PUF60: variants seen among roughly 807,000 people sequenced by gnomAD.
PUF60 encodes poly(U)-binding-splicing factor PUF60.
Under a neutral mutation model 61.8 loss-of-function variants are expected in PUF60, and 10 were observed. The ratio of observed to expected loss-of-function variants is 0.16; its 90% CI spans 0.10 to 0.27. PUF60 has a LOEUF of 0.27. PUF60 is among the 10% of genes least tolerant of loss of function. PUF60 has a pLI of 1.00. For missense variants in PUF60, 371 were observed against 754.0 expected, an observed-to-expected ratio of 0.49 and a Z score of 5.95; for synonymous variants, 353 against 300.9, an observed-to-expected ratio of 1.17 and a Z score of -1.79.
At chr8:143,827,084 A>G (rs1039248768) in intron 1 of PUF60, 2 of 319,692 alleles carry the variant, frequency 6.3e-6, no homozygotes, top group African/African-American at 4.5e-5. Context: ...GAGACAAGAG[A>G]GAAAGACGTC....
At chr8:143,825,825 C>G (rs1046740566) in intron 1 of PUF60, among the ~76,000 whole-genome samples, 2 of 152,364 alleles carry the variant, frequency 1.3e-5, no homozygotes, top group African/African-American at 2.4e-5. Context: ...TCCAGATACC[C>G]GTGAACAGGG....
intron 4 of PUF60, 27 bp from the exon 5 acceptor site, chr8:143,820,743 G>A (rs775255331): frequency 6.2e-7 from 1 of 1,603,272 alleles, no homozygotes; most frequent in Non-Finnish European, 8.5e-7. Flanking sequence ...ACAGAGTTCA[G>A]TCTGTTGGAG....
At chr8:143,822,845 A>G in intron 2 of PUF60, 1 of 330,382 alleles carries the variant, frequency 3.0e-6, no homozygotes, top group African/African-American at 2.2e-5. Flanking sequence ...CTCAGCAAGC[A>G]CAAAGATCAC....
At chr8:143,820,417 C>T (rs1197702351) in intron 5 of PUF60, 2 of 560,212 alleles carry the variant, frequency 3.6e-6, no homozygotes, top group Non-Finnish European at 6.4e-6. Flanking sequence ...TGGCCGGCTG[C>T]CCTCCGCAGT....
At chr8:143,821,408 ACAGGTGGGAAAGG>A (rs750980264) in intron 4 of PUF60, 176 bp downstream of exon 4, 230 of 614,306 alleles carry the variant, frequency 3.7e-4, no homozygotes, top group Middle Eastern at 2.6e-3. Context: ...CCAGCGAGCA[ACAGGTGGGAAAGG>A]CTGGGCCACT....
At chr8:143,825,906 C>T (rs1817590051) in intron 1 of PUF60, among the ~76,000 whole-genome samples, 1 of 152,254 alleles carries the variant, frequency 6.6e-6, no homozygotes, top group Non-Finnish European at 1.5e-5. Flanking sequence ...TAAGCCACAA[C>T]AGTGTTGACA....
chr8:143,828,780 C>T (rs1817949232), intron 1 of PUF60, among the ~76,000 whole-genome samples: 1 of 152,222 alleles, frequency 6.6e-6, no homozygotes, highest in Admixed American at 6.5e-5. Context: ...CTCTCCAGCA[C>T]CGGAGAACGA....
intron 4 of PUF60, 89 bp downstream of exon 4, chr8:143,821,508 G>C (rs541297771): frequency 8.3e-7 from 1 of 1,209,528 alleles, no homozygotes. Flanking sequence ...TTGCGGGGAC[G>C]GCCGCAGGCC....
intron 4 of PUF60, 83 bp from the exon 5 acceptor site, chr8:143,820,799 A>G: frequency 7.3e-7 from 1 of 1,368,486 alleles, no homozygotes; most frequent in Non-Finnish European, 1.0e-6. Context: ...AGACAGCGGC[A>G]AGGCCCGGAG....
Position 143,817,296 on chromosome 8 carries a change from G to C in PUF60, c.1144+35C>G. 1 of 1,570,852 alleles carries C rather than the reference G, an allele frequency of 6.4e-7. No homozygotes were observed. The highest frequency in any genetic ancestry group is 1.2e-5 in the South Asian group (1 of 85,230). On this transcript the variant is annotated intron_variant, in intron 10 of 11. Coordinates refer to ENST00000526683, the MANE Select transcript of PUF60 (RefSeq NM_078480.3). This position sits in a 1 kb window ranked among gnomAD's most constrained non-coding sequence, Gnocchi z 7.4. ...CAGCGAGCCGAGAGATGCCAGGACA[G>C]GAGAGGAGAGGATCTGGTACCACTT...
At chr8:143,827,454 G>A in intron 1 of PUF60, 1 of 456,198 alleles carries the variant, frequency 2.2e-6, no homozygotes, top group Non-Finnish European at 4.4e-6. Context: ...TGGGAGGGGA[G>A]GCCCTTCTGC....
intron 1 of PUF60, among the ~76,000 whole-genome samples, chr8:143,826,469 C>G (rs2130422664): frequency 6.6e-6 from 1 of 152,346 alleles, no homozygotes; most frequent in South Asian, 2.1e-4. Flanking sequence ...AATCCCAGCA[C>G]TTTGGGAGGC....
chr8:143,819,178 A>C (rs1816728899), intron 5 of PUF60: 1 of 152,138 alleles, frequency 6.6e-6, no homozygotes, highest in East Asian at 1.9e-4. Flanking sequence ...CCCCCAGCCG[A>C]GAGAGCGGGC....
intron 1 of PUF60, among the ~76,000 whole-genome samples, chr8:143,825,815 T>C (rs1369639313): frequency 6.6e-6 from 1 of 152,200 alleles, no homozygotes; most frequent in Non-Finnish European, 1.5e-5. Flanking sequence ...ACGACCAGTC[T>C]CCAGATACCC....
rs1240893792 is a variant in PUF60, at chr8:143,816,543, C to T, written c.1657G>A (p.Asp553Asn). The T allele has an allele frequency of 6.2e-7, 1 of 1,611,700 alleles. No individual in the cohort carries two copies. The highest frequency in any genetic ancestry group is 8.5e-7 in the Non-Finnish European group (1 of 1,178,772). ...TGTCACGCAGAGAGGTCACTGTTAT[C>T]AAAACGCTCCTGGTCGTACACTTCA... Reference protein sequence around the residue: ...VAEVYDQERFDNSDLSA With the variant: ...VAEVYDQERFNNSDLSA The change falls in exon 12 of 12, where the codon GAT becomes AAT. Residue 553 changes from aspartate (D) to asparagine (N), a missense_variant. Physicochemically the swap from Asp to Asn is conservative, Grantham distance 23. This residue lies in a region of PUF60 where 17 missense variants were observed against 37.3 expected (regional missense o/e 0.46). Transcript: ENST00000526683.
In PUF60 at chr8:143,817,436, T is replaced by A. The variant is rs1816476400; in HGVS notation, c.1039A>T (p.Thr347Ser). Residue 347 changes from threonine (T) to serine (S), a missense_variant, in exon 10 of 12, where the codon ACC (threonine) becomes TCC (serine). Physicochemically the swap from Thr to Ser is moderately conservative, Grantham distance 58. Transcript: ENST00000526683. This position sits in a 1 kb window ranked among gnomAD's most constrained non-coding sequence, Gnocchi z 7.4. ...EAVAGAAVLG[T>S]LGTPGLVSPA... ...GACACCAGTCCAGGTGTGCCCAGGG[T>A]ACCCAGCACCGCTGCTCCGGCCACT... The A allele has an allele frequency of 6.2e-7, 1 of 1,607,180 alleles. No individual in the cohort carries two copies. Among genetic ancestry groups the A allele is most frequent in the African/African-American group, 1.3e-5 (1 of 74,708 alleles).
At position 143,818,108 on chromosome 8, in the gene PUF60, T is replaced by C. The variant is rs745737625; in HGVS notation, c.604-33A>G. On this transcript the variant is annotated intron_variant, in intron 7 of 11. Coordinates refer to ENST00000526683, the MANE Select transcript of PUF60 (RefSeq NM_078480.3). The surrounding 1 kb of genome is among the most constrained non-coding windows in gnomAD (Gnocchi z 7.9). ...AGAGGCGGTGAGATGGAAAGACCGG[T>C]CAACCCAGGCCCGGCCACAAAAGGC... The C allele has an allele frequency of 1.2e-6, 2 of 1,606,500 alleles. No individual in the cohort carries two copies. The highest frequency in any genetic ancestry group is 1.7e-6 in the Non-Finnish European group (2 of 1,176,576).
In PUF60 at chr8:143,829,003, C is replaced by T. The variant is rs1197035844; in HGVS notation, c.24+277G>A. ...CCGGACCTAGCGGACAGGAACGCAA[C>T]CCCGCCAGGCTCGCCCGCAAGGGCC... On this transcript the variant is annotated intron_variant, in intron 1 of 11. Transcript: ENST00000526683. The T allele has an allele frequency of 5.0e-6, 5 of 994,518 alleles. No homozygotes were observed. The African/African-American group carries it at 7.0e-5, about 14-fold the overall frequency. The allele number at this position is 994,518 out of a possible 1,614,324, so 61.6% of individuals were successfully genotyped here.
At position 143,817,043 on chromosome 8, in the gene PUF60, T is replaced by C. The variant is rs1816401347; in HGVS notation, c.1247A>G (p.Lys416Arg). The change falls in exon 11 of 12, where the codon AAG becomes AGG. Residue 416 changes from lysine (K) to arginine (R), a missense_variant. This residue lies in a region of PUF60 where 68 missense variants were observed against 69.4 expected (regional missense o/e 0.98). Coordinates refer to ENST00000526683, the MANE Select transcript of PUF60 (RefSeq NM_078480.3). The surrounding 1 kb of genome is among the most constrained non-coding windows in gnomAD (Gnocchi z 7.4). ...SPPTLGLLEP[K>R]KEKEEEELFP... ...CAGCTCCTCTTCTTCCTTCTCCTTC[T>C]TGGGCTCCAGGAGACCCAGCGTTGG... 3.1e-6 allele frequency: 5 copies of C among 1,611,092 alleles called. No homozygotes were observed. Among genetic ancestry groups the C allele is most frequent in the Non-Finnish European group, 4.2e-6 (5 of 1,179,036 alleles).
Sources: gnomAD v4.1 joint callset for allele counts (sites outside exome capture counted in the v4.1 genomes callset) on GRCh38, gnomAD v4.1.1 for gene constraint, gnomAD v4.1.1 regional missense constraint, Gnocchi (gnomAD v3.1) non-coding constraint, MANE v1.5 for transcripts, NCBI Gene and HGNC (gene_info 2026-07-23, HGNC 2026-07-21) for gene names.